The following RBFOX1 variants were observed in gnomAD, a reference collection of about 807,000 sequenced individuals.
The protein encoded by RBFOX1 is RNA binding protein fox-1 homolog 1.
In RBFOX1, 8 loss-of-function variants were observed where a neutral mutation model predicts 57.7. That is an observed-to-expected ratio of 0.14 (90% CI 0.08 to 0.25). The LOEUF is 0.25. RBFOX1 is among the 10% of genes least tolerant of loss of function. RBFOX1 has a pLI of 1.00. For synonymous variants in RBFOX1, 326 were observed against 222.4 expected (o/e 1.47, Z -4.15); for missense variants, 611 against 548.5 (o/e 1.11, Z -1.14).
chr16:6,202,646 G>C (rs367588046), intron 1 of RBFOX1, among the ~76,000 whole-genome samples: 1 of 152,006 alleles, frequency 6.6e-6, no homozygotes, highest in African/African-American at 2.4e-5. Context: ...GATGTTTAAC[G>C]TATACAGCTT....
At chr16:7,688,596 CAA>C (rs1429737861) in intron 14 of RBFOX1, among the ~76,000 whole-genome samples, 1 of 151,890 alleles carries the variant, frequency 6.6e-6, no homozygotes, top group Non-Finnish European at 1.5e-5. Flanking sequence ...GGAAAACTGC[CAA>C]GAGATGAGAT....
intron 4 of RBFOX1, among the ~76,000 whole-genome samples, chr16:7,103,357 C>T (rs968432722): frequency 6.6e-6 from 1 of 152,112 alleles, no homozygotes; most frequent in Non-Finnish European, 1.5e-5. Flanking sequence ...GGCATCGTTC[C>T]TGATGCTGGA....
At chr16:6,154,540 A>C (rs920183996) in intron 1 of RBFOX1, among the ~76,000 whole-genome samples, 17 of 152,136 alleles carry the variant, frequency 1.1e-4, no homozygotes, top group Non-Finnish European at 1.5e-5. Context: ...GGATAGTGGG[A>C]GCCAGCGGTG....
intron 3 of RBFOX1, among the ~76,000 whole-genome samples, chr16:6,914,386 T>G (rs1437406825): frequency 2.0e-5 from 3 of 152,060 alleles, no homozygotes; most frequent in African/African-American, 7.2e-5. Flanking sequence ...TTTTCATGAT[T>G]CAGAATCTAC....
At chr16:7,441,768 G>A (rs1489514027) in intron 4 of RBFOX1, among the ~76,000 whole-genome samples, 1 of 152,174 alleles carries the variant, frequency 6.6e-6, no homozygotes. Context: ...ACCTCAGTGT[G>A]GAGATGAGCT....
Position 6,568,526 on chromosome 16 carries a change from C to A in RBFOX1, c.-63-86077C>A, listed in dbSNP as rs74343254. 3.3e-3 allele frequency among the ~76,000 whole-genome samples: 496 copies of A among 152,244 alleles called. 5 individuals carry two copies. Among genetic ancestry groups the A allele is most frequent in the African/African-American group, 0.012 (481 of 41,552 alleles). ...TCAGAGTGACATACCATCACTTCTG[C>A]CATGTTCCATTGGAACTCTTGTACA... On this transcript the variant is annotated intron_variant, in intron 2 of 15. Coordinates refer to ENST00000550418, the MANE Select transcript of RBFOX1 (RefSeq NM_018723.4).
At chr16:6,288,590 C>G (rs551523025) in intron 1 of RBFOX1, among the ~76,000 whole-genome samples, 1 of 152,156 alleles carries the variant, frequency 6.6e-6, no homozygotes, top group African/African-American at 2.4e-5. Context: ...AAACCTGAAA[C>G]TCAGTCAGGT....
chr16:6,026,940 A>G (rs547974789), intron 1 of RBFOX1, among the ~76,000 whole-genome samples: 31 of 152,224 alleles, frequency 2.0e-4, no homozygotes, highest in Non-Finnish European at 3.5e-4. Flanking sequence ...TGCTCACTCC[A>G]TCTAATCACC....
At chr16:5,347,605 C>T (rs1269185655) in intron 1 of RBFOX1, among the ~76,000 whole-genome samples, 1 of 151,218 alleles carries the variant, frequency 6.6e-6, no homozygotes, top group East Asian at 2.0e-4. Context: ...TCCACCCACC[C>T]ATGCTCCCAT....
chr16:5,870,392 A>G (rs2057441699), intron 4 of RBFOX1, among the ~76,000 whole-genome samples: 2 of 139,206 alleles, frequency 1.4e-5, no homozygotes, highest in Non-Finnish European at 3.1e-5. Context: ...AAAAAAAAAA[A>G]TGAAGGCACT....
chr16:7,124,809 G>C (rs1024580438), intron 4 of RBFOX1, among the ~76,000 whole-genome samples: 4 of 151,964 alleles, frequency 2.6e-5, no homozygotes, highest in African/African-American at 9.7e-5. Flanking sequence ...CCAGTGTAGA[G>C]ACAGTCCGTA....
chr16:6,008,993 G>A (rs1408726064), intron 4 of RBFOX1, among the ~76,000 whole-genome samples: 1 of 152,056 alleles, frequency 6.6e-6, no homozygotes, highest in East Asian at 1.9e-4. Context: ...TCTTTTATTG[G>A]TCTATTAATG....
chr16:7,546,857 C>T (rs1601516103), intron 5 of RBFOX1, among the ~76,000 whole-genome samples: 1 of 152,306 alleles, frequency 6.6e-6, no homozygotes, highest in East Asian at 1.9e-4. Flanking sequence ...GAATTTCTTT[C>T]TGCAAATCTC....
intron 4 of RBFOX1, among the ~76,000 whole-genome samples, chr16:5,945,196 C>G (rs1029590551): frequency 1.3e-5 from 2 of 152,022 alleles, no homozygotes; most frequent in South Asian, 4.1e-4. Context: ...TGACCACATG[C>G]CAGGAAGTGA....
intron 4 of RBFOX1, among the ~76,000 whole-genome samples, chr16:7,060,350 G>A (rs1390306353): frequency 6.6e-6 from 1 of 152,150 alleles, no homozygotes; most frequent in African/African-American, 2.4e-5. Context: ...AGGTTAATGA[G>A]GGATTTTTAT....
At chr16:5,983,516 A>C (rs2060215303) in intron 4 of RBFOX1, among the ~76,000 whole-genome samples, 1 of 152,144 alleles carries the variant, frequency 6.6e-6, no homozygotes, top group Non-Finnish European at 1.5e-5. Flanking sequence ...AGGCGGGGAA[A>C]AACCGCACAG....
At chr16:6,449,093 G>C (rs1416598606) in intron 2 of RBFOX1, among the ~76,000 whole-genome samples, 1 of 152,044 alleles carries the variant, frequency 6.6e-6, no homozygotes. Context: ...ATACAGGTCT[G>C]GAATAAAAAA....
At chr16:7,186,952 G>A (rs1158284796) in intron 4 of RBFOX1, among the ~76,000 whole-genome samples, 1 of 134,920 alleles carries the variant, frequency 7.4e-6, no homozygotes, top group Non-Finnish European at 1.5e-5. Flanking sequence ...GAGACTGGGA[G>A]TTTGAGACCA....
At chr16:6,091,513 C>T (rs1458791866) in intron 1 of RBFOX1, among the ~76,000 whole-genome samples, 7 of 138,146 alleles carry the variant, frequency 5.1e-5, no homozygotes, top group African/African-American at 1.8e-4. Flanking sequence ...CCTCAACTGA[C>T]TACATGGTAG....
Sources: allele counts gnomAD v4.1 joint callset (sites outside exome capture counted in the v4.1 genomes callset), GRCh38; gene constraint gnomAD v4.1.1; transcripts MANE v1.5; gene names NCBI Gene and HGNC (gene_info 2026-07-23, HGNC 2026-07-21).